RAB15: variants seen among roughly 807,000 people sequenced by gnomAD.
RAB15 encodes the protein RAB15, member RAS oncogene family.
In RAB15, 13 loss-of-function variants were observed where a neutral mutation model predicts 31.8. That is an observed-to-expected ratio of 0.41 (90% confidence interval 0.27 to 0.65). The LOEUF is 0.65. Among genes scored for constraint, RAB15 ranks in the 30% least tolerant of loss-of-function variants. The pLI, the probability that RAB15 is intolerant of heterozygous loss-of-function variation, is 0.32. For missense variants in RAB15, 220 were observed against 277.3 expected (o/e 0.79, Z 1.47); for synonymous variants, 100 against 105.6 (o/e 0.95, Z 0.33).
At chr14:64,961,553 G>C (rs1329193169) in intron 1 of RAB15, among the ~76,000 whole-genome samples, 3 of 152,150 alleles carry the variant, frequency 2.0e-5, no homozygotes, top group African/African-American at 7.2e-5. Context: ...GGGCACTCTG[G>C]AGTAAGGAAT....
chr14:64,968,976 C>T lies in RAB15; in HGVS notation c.124+2977G>A, dbSNP rs1157659429. On this transcript the variant is annotated intron_variant, in intron 1 of 6. Coordinates refer to ENST00000533601, the MANE Select transcript of RAB15 (RefSeq NM_001308154.2). The surrounding 1 kb of genome is among the most constrained non-coding windows in gnomAD (Gnocchi z 4.9). ...GGTTCTTCTCTAGAAGATCGCAGGC[C>T]GTTAAAGTGGAGTACACAGTAAATC... Among the ~76,000 whole-genome samples, 2 of 152,156 alleles carry T rather than the reference C, an allele frequency of 1.3e-5. No individual in the cohort carries two copies. Among genetic ancestry groups the T allele is most frequent in the African/African-American group, 4.8e-5 (2 of 41,432 alleles).
rs369033478 is a variant in RAB15, at chr14:64,967,869, G to GGGGGTGAGGGGCCATTCA, written c.124+4066_124+4083dup. 1.1e-3 allele frequency among the ~76,000 whole-genome samples: 168 copies of GGGGGTGAGGGGCCATTCA among 152,300 alleles called. 1 individual carries two copies. Among genetic ancestry groups the GGGGGTGAGGGGCCATTCA allele is most frequent in the African/African-American group, 3.9e-3 (160 of 41,548 alleles). On this transcript the variant is annotated intron_variant, in intron 1 of 6. Transcript: ENST00000533601. The stretch of plus-strand genomic sequence containing the variant: ...TGTGGAAGTTGGTGTTGGTACCACT[G>GGGGGTGAGGGGCCATTCA]GGGGTGAGGGGCCATTCAGAGGTTC...
chr14:64,954,972 G>C lies in RAB15; in HGVS notation c.125-2401C>G, dbSNP rs925589049. ...AGAGACAGAACTGACAAGGAGACAG[G>C]GTACTCCACCGGAAGTGAGGCTGGG... On this transcript the variant is annotated intron_variant, in intron 1 of 6. Transcript: ENST00000533601. The surrounding 1 kb of genome is among the most constrained non-coding windows in gnomAD (Gnocchi z 4.3). 6.6e-6 allele frequency among the ~76,000 whole-genome samples: 1 copy of C among 152,014 alleles called. No individual in the cohort carries two copies. Among genetic ancestry groups the C allele is most frequent in the Admixed American group, 6.6e-5 (1 of 15,266 alleles).
At chr14:64,964,542 A>C (rs900197061) in intron 1 of RAB15, among the ~76,000 whole-genome samples, 1 of 151,716 alleles carries the variant, frequency 6.6e-6, no homozygotes, top group African/African-American at 2.4e-5. Context: ...AAAAAAAGAA[A>C]AAAGAAAGAA....
chr14:64,971,843 A>C lies in RAB15; in HGVS notation c.124+110T>G. 9.2e-7 allele frequency: 1 copy of C among 1,087,554 alleles called. No individual in the cohort carries two copies. The highest frequency in any genetic ancestry group is 1.3e-6 in the Non-Finnish European group (1 of 769,160). The allele number at this position is 1,087,554 out of a possible 1,614,324, so 67.4% of individuals were successfully genotyped here. A position where few individuals can be genotyped will look rare whatever the true frequency, so the allele number is the denominator to read the frequency against. On this transcript the variant is annotated intron_variant, in intron 1 of 6. Coordinates refer to ENST00000533601, the MANE Select transcript of RAB15 (RefSeq NM_001308154.2). The surrounding 1 kb of genome is among the most constrained non-coding windows in gnomAD (Gnocchi z 4.1). The stretch of plus-strand genomic sequence containing the variant: ...ATCCCGGACTCCGGCCTCCGGCGCC[A>C]CCGCCTCCAGCCGGAGGGGCTGGCA...
Position 64,950,280 on chromosome 14 carries a change from C to T in RAB15, c.414+45G>A. 1 of 1,509,588 alleles carries T rather than the reference C, an allele frequency of 6.6e-7. No individual in the cohort carries two copies. The allele number at this position is 1,509,588 out of a possible 1,614,324, so 93.5% of individuals were successfully genotyped here. A position where few individuals can be genotyped will look rare whatever the true frequency, so the allele number is the denominator to read the frequency against. ...CCACGCTCAGGACTGGCCCTGGAGG[C>T]CCAGCAGAGGACCTGGGGTGGACTT... On this transcript the variant is annotated intron_variant, in intron 5 of 6. Transcript: ENST00000533601. The surrounding 1 kb of genome is among the most constrained non-coding windows in gnomAD (Gnocchi z 5.6).
At chr14:64,956,383 T>C (rs1232101179) in intron 1 of RAB15, among the ~76,000 whole-genome samples, 1 of 147,764 alleles carries the variant, frequency 6.8e-6, no homozygotes, top group African/African-American at 2.5e-5. Context: ...TGCACTCCAG[T>C]CTGGGCGACA....
At chr14:64,959,914 TAAG>T (rs1352577968) in intron 1 of RAB15, among the ~76,000 whole-genome samples, 7 of 128,318 alleles carry the variant, frequency 5.5e-5, no homozygotes, top group Middle Eastern at 5.6e-3. Flanking sequence ...CCAGAGAGCA[TAAG>T]AAGGGCTGCA....
At position 64,953,906 on chromosome 14, in the gene RAB15, G is replaced by C; in HGVS notation, c.125-1335C>G. On this transcript the variant is annotated intron_variant, in intron 1 of 6. Transcript: ENST00000533601. The surrounding 1 kb of genome is among the most constrained non-coding windows in gnomAD (Gnocchi z 4.6). The stretch of plus-strand genomic sequence containing the variant: ...CCAGCTGCACTGCCCGGCCCAGAAG[G>C]CCTGAAGGCACCAGCATCCCCATCA... 1 of 985,378 alleles carries C rather than the reference G, an allele frequency of 1.0e-6. No individual in the cohort carries two copies. The highest frequency in any genetic ancestry group is 1.7e-5 in the African/African-American group (1 of 57,342). The allele number at this position is 985,378 out of a possible 1,614,324, so 61.0% of individuals were successfully genotyped here.
chr14:64,965,279 G>A (rs1887074210), intron 1 of RAB15, among the ~76,000 whole-genome samples: 1 of 151,998 alleles, frequency 6.6e-6, no homozygotes, highest in Admixed American at 6.6e-5. Context: ...CCAACATGGT[G>A]AAACCCCATC....
In RAB15 at chr14:64,970,253, C is replaced by T. The variant is rs1887351053; in HGVS notation, c.124+1700G>A. ...AGTTTCCTTAAGGGATAACCCACCG[C>T]CCTTTGTCCCTGAGCCCACAACCTG... is the stretch of plus-strand genomic sequence containing the variant. On this transcript the variant is annotated intron_variant, in intron 1 of 6. Transcript: ENST00000533601. This position sits in a 1 kb window ranked among gnomAD's most constrained non-coding sequence, Gnocchi z 4.1. 6.6e-6 allele frequency among the ~76,000 whole-genome samples: 1 copy of T among 152,232 alleles called. No homozygotes were observed. The highest frequency in any genetic ancestry group is 1.5e-5 in the Non-Finnish European group (1 of 68,048).
chr14:64,961,735 C>A (rs1245104850), intron 1 of RAB15, among the ~76,000 whole-genome samples: 1 of 152,060 alleles, frequency 6.6e-6, no homozygotes, highest in Non-Finnish European at 1.5e-5. Context: ...ATAGTGAGAC[C>A]ATGTCTCTGC....
chr14:64,957,227 G>A lies in RAB15; in HGVS notation c.125-4656C>T, dbSNP rs10138382. Among the ~76,000 whole-genome samples, 469 of 152,100 alleles carry A rather than the reference G, an allele frequency of 3.1e-3. 4 individuals carry two copies. Among genetic ancestry groups the A allele is most frequent in the African/African-American group, 0.011 (451 of 41,478 alleles). On this transcript the variant is annotated intron_variant, in intron 1 of 6. Transcript: ENST00000533601. ...GCTGGGATTATAGGCATGAGCCTCC[G>A]CACCAGGCCGATTTTCTTAAGTGTA...
intron 1 of RAB15, among the ~76,000 whole-genome samples, chr14:64,957,101 T>A (rs1048154497): frequency 1.4e-5 from 2 of 139,184 alleles, no homozygotes; most frequent in Non-Finnish European, 3.2e-5. Flanking sequence ...CATGCCCAGC[T>A]AATTTTTTTT....
In RAB15 at chr14:64,958,998, G is replaced by C. The variant is rs1219795942; in HGVS notation, c.125-6427C>G. On this transcript the variant is annotated intron_variant, in intron 1 of 6. Transcript: ENST00000533601. This position sits in a 1 kb window ranked among gnomAD's most constrained non-coding sequence, Gnocchi z 4.4. Reference sequence around the variant, plus strand: ...AGACTGGACCATCAACAGGTTTGCTGGTGACCCACAGGGTGACCTGGCCAG... The same window carrying C: ...AGACTGGACCATCAACAGGTTTGCTCGTGACCCACAGGGTGACCTGGCCAG... Among the ~76,000 whole-genome samples the C allele has an allele frequency of 6.6e-6, 1 of 152,234 alleles. No homozygotes were observed. The highest frequency in any genetic ancestry group is 1.5e-5 in the Non-Finnish European group (1 of 68,048).
rs1886523692 is a variant in RAB15 at position 64,955,831 on chromosome 14, GAGA to G, written c.125-3263_125-3261del. On this transcript the variant is annotated intron_variant, in intron 1 of 6. Coordinates refer to ENST00000533601, the MANE Select transcript of RAB15 (RefSeq NM_001308154.2). The surrounding 1 kb of genome is among the most constrained non-coding windows in gnomAD (Gnocchi z 4.4). Reference sequence around the variant, plus strand: ...TTTTTGTTGCATCTTTAGTATCCGTGAGAAGAAGAGATATTCTCCATCTATCTC... The same window carrying G: ...TTTTTGTTGCATCTTTAGTATCCGTGAGAAGAGATATTCTCCATCTATCTC... Among the ~76,000 whole-genome samples the G allele has an allele frequency of 6.6e-6, 1 of 152,206 alleles. No individual in the cohort carries two copies. Among genetic ancestry groups the G allele is most frequent in the African/African-American group, 2.4e-5 (1 of 41,436 alleles).
At chr14:64,964,674 C>T (rs1887032764) in intron 1 of RAB15, among the ~76,000 whole-genome samples, 1 of 151,670 alleles carries the variant, frequency 6.6e-6, no homozygotes, top group African/African-American at 2.4e-5. Flanking sequence ...CTCCTGGGTT[C>T]AAGCAATTCT....
Position 64,971,750 on chromosome 14 carries a change from C to A in RAB15, c.124+203G>T. 1.7e-6 allele frequency: 1 copy of A among 583,856 alleles called. No homozygotes were observed. Among genetic ancestry groups the A allele is most frequent in the Non-Finnish European group, 3.0e-6 (1 of 329,978 alleles). 36.2% of individuals were successfully genotyped at this position (583,856 alleles called of 1,614,324 possible). On this transcript the variant is annotated intron_variant, in intron 1 of 6. Transcript: ENST00000533601. The surrounding 1 kb of genome is among the most constrained non-coding windows in gnomAD (Gnocchi z 4.1). Reference sequence around the variant, plus strand: ...TCCCGGCAAGAGGCGGGAGACCCCACCCCTGGTCCGGACGGCAGGCAGCAG... The same window carrying A: ...TCCCGGCAAGAGGCGGGAGACCCCAACCCTGGTCCGGACGGCAGGCAGCAG...
In RAB15 at chr14:64,954,604, A is replaced by C. The variant is rs559274329; in HGVS notation, c.125-2033T>G. 67 of 872,748 alleles carry C rather than the reference A, an allele frequency of 7.7e-5. No individual in the cohort carries two copies. In the African/African-American group the frequency reaches 8.5e-4, roughly 11 times the overall value. 54.1% of individuals were successfully genotyped at this position (872,748 alleles called of 1,614,324 possible). A position where few individuals can be genotyped will look rare whatever the true frequency, so the allele number is the denominator to read the frequency against. On this transcript the variant is annotated intron_variant, in intron 1 of 6. Coordinates refer to ENST00000533601, the MANE Select transcript of RAB15 (RefSeq NM_001308154.2). This position sits in a 1 kb window ranked among gnomAD's most constrained non-coding sequence, Gnocchi z 4.3. Reference sequence around the variant, plus strand: ...GCACAGTGCTCAGTGCAGACAGAGCAGTGAAAAAGACATGGCCCCTGCCCT... The same window carrying C: ...GCACAGTGCTCAGTGCAGACAGAGCCGTGAAAAAGACATGGCCCCTGCCCT...
Sources: allele counts gnomAD v4.1 joint callset (sites outside exome capture counted in the v4.1 genomes callset), GRCh38; gene constraint gnomAD v4.1.1; non-coding constraint Gnocchi (gnomAD v3.1); transcripts MANE v1.5; gene names NCBI Gene and HGNC (gene_info 2026-07-23, HGNC 2026-07-21).